The following PDGFC variants were observed in gnomAD, a reference collection of about 807,000 sequenced individuals.
PDGFC encodes platelet-derived growth factor C.
Under a neutral mutation model 35.5 loss-of-function variants are expected in PDGFC, and 12 were observed. The ratio of observed to expected loss-of-function variants is 0.34; its 90% confidence interval spans 0.22 to 0.55. PDGFC has a LOEUF of 0.55. Among genes scored for constraint, PDGFC ranks in the 20% least tolerant of loss-of-function variants. The probability of loss-of-function intolerance (pLI) is 0.91; values close to 1 mark genes in which losing one functional copy is unlikely to be tolerated. For missense variants in PDGFC, 322 were observed against 412.4 expected, an observed-to-expected ratio of 0.78 and a Z score of 1.90; for synonymous variants, 159 against 148.8, an observed-to-expected ratio of 1.07 and a Z score of -0.50.
intron 1 of PDGFC, among the ~76,000 whole-genome samples, chr4:156,866,718 TA>T (rs1156349970): frequency 1.3e-5 from 2 of 152,132 alleles, no homozygotes; most frequent in Non-Finnish European, 2.9e-5. Flanking sequence ...AAAGAAAGTT[TA>T]AAAAAATAAC....
At chr4:156,807,074 G>A (rs1731790117) in intron 3 of PDGFC, among the ~76,000 whole-genome samples, 1 of 151,044 alleles carries the variant, frequency 6.6e-6, no homozygotes. Context: ...TAACTCCTTA[G>A]GCACAATCAT....
intron 2 of PDGFC, chr4:156,835,885 G>C (rs370775542): frequency 1.3e-5 from 2 of 152,078 alleles, no homozygotes; most frequent in African/African-American, 4.8e-5. Flanking sequence ...CCAATACTTT[G>C]TGTACTGAAA....
intron 2 of PDGFC, among the ~76,000 whole-genome samples, chr4:156,838,219 T>C (rs1355061261): frequency 6.6e-6 from 1 of 152,226 alleles, no homozygotes; most frequent in Non-Finnish European, 1.5e-5. Flanking sequence ...GTTATTTTTG[T>C]ACCACCAGCA....
At chr4:156,771,766 G>A (rs971258488) in intron 4 of PDGFC, among the ~76,000 whole-genome samples, 2 of 152,078 alleles carry the variant, frequency 1.3e-5, no homozygotes, top group South Asian at 2.1e-4. Flanking sequence ...CAAATTAACC[G>A]AACATTATTC....
At chr4:156,942,205 T>C (rs778222696) in intron 1 of PDGFC, among the ~76,000 whole-genome samples, 1 of 152,066 alleles carries the variant, frequency 6.6e-6, no homozygotes, top group Non-Finnish European at 1.5e-5. Context: ...ATACATGCCA[T>C]TCCTTTGTGC....
chr4:156,938,058 G>C (rs1192826427), intron 1 of PDGFC, among the ~76,000 whole-genome samples: 1 of 151,970 alleles, frequency 6.6e-6, no homozygotes, highest in Non-Finnish European at 1.5e-5. Context: ...TGCCAAATGA[G>C]GTGAAACAGT....
intron 3 of PDGFC, among the ~76,000 whole-genome samples, chr4:156,774,674 C>A (rs12645013): frequency 0.21 from 22,834 of 109,222 alleles, 1,814 homozygotes; most frequent in South Asian, 0.44. Flanking sequence ...TTTTTTTTAA[C>A]AAAAGTTTAT....
In PDGFC at chr4:156,915,704, A is replaced by T. The variant is rs2197231; in HGVS notation, c.118+55082T>A. Among the ~76,000 whole-genome samples the T allele has an allele frequency of 3.2e-4, 49 of 152,156 alleles. No homozygotes were observed. In the East Asian group the frequency reaches 8.7e-3, roughly 27 times the overall value. ...GCTACTCAGGAAGTTGAGGCAGAAG[A>T]ATCCCGGCAGAGGTTGCAGTGAGTG... On this transcript the variant is annotated intron_variant, in intron 1 of 5. Coordinates refer to ENST00000502773, the MANE Select transcript of PDGFC (RefSeq NM_016205.3).
chr4:156,768,025 T>C, intron 4 of PDGFC, 35 bp from the exon 5 acceptor site: 5 of 1,247,248 alleles, frequency 4.0e-6, no homozygotes, highest in East Asian at 2.3e-5. Flanking sequence ...GAAAAATAGA[T>C]GTTGATGCTT....
At chr4:156,881,244 G>GC (rs1292507797) in intron 1 of PDGFC, among the ~76,000 whole-genome samples, 2 of 152,040 alleles carry the variant, frequency 1.3e-5, no homozygotes, top group African/African-American at 2.4e-5. Flanking sequence ...CTTGCTAAAG[G>GC]CTTAGATGAT....
intron 1 of PDGFC, among the ~76,000 whole-genome samples, chr4:156,945,687 A>C (rs1460518483): frequency 5.3e-5 from 8 of 151,922 alleles, no homozygotes; most frequent in African/African-American, 1.9e-4. Context: ...GCAATTACTC[A>C]TTTGGTCAGG....
intron 2 of PDGFC, among the ~76,000 whole-genome samples, chr4:156,822,676 A>T: frequency 6.6e-6 from 1 of 152,216 alleles, no homozygotes; most frequent in East Asian, 1.9e-4. Flanking sequence ...GAGATTATGT[A>T]ACAAGGGAAA....
chr4:156,914,892 C>A (rs1281161780), intron 1 of PDGFC, among the ~76,000 whole-genome samples: 1 of 127,452 alleles, frequency 7.8e-6, no homozygotes, highest in Non-Finnish European at 1.7e-5. Flanking sequence ...CTTTACAATA[C>A]CCAGGATTGG....
At chr4:156,900,736 G>T (rs1730747923) in intron 1 of PDGFC, among the ~76,000 whole-genome samples, 1 of 152,134 alleles carries the variant, frequency 6.6e-6, no homozygotes, top group Admixed American at 6.5e-5. Context: ...TCAGAAGGCT[G>T]AGGTGGGAGG....
intron 2 of PDGFC, among the ~76,000 whole-genome samples, chr4:156,822,903 G>A (rs558627004): frequency 3.3e-5 from 5 of 152,154 alleles, no homozygotes; most frequent in African/African-American, 1.2e-4. Flanking sequence ...CCGAGTAGCT[G>A]GGATTACAGG....
At chr4:156,869,822 AC>A (rs1392951477) in intron 1 of PDGFC, among the ~76,000 whole-genome samples, 1 of 152,160 alleles carries the variant, frequency 6.6e-6, no homozygotes, top group Non-Finnish European at 1.5e-5. Flanking sequence ...TTCTGATTTG[AC>A]TTTATTCCTT....
intron 1 of PDGFC, among the ~76,000 whole-genome samples, chr4:156,911,505 ATAGT>A (rs1731038380): frequency 6.6e-6 from 1 of 152,110 alleles, no homozygotes; most frequent in Non-Finnish European, 1.5e-5. Context: ...AACAGTAATA[ATAGT>A]TAAAGGTTGT....
intron 1 of PDGFC, among the ~76,000 whole-genome samples, chr4:156,969,472 G>A (rs528072264): frequency 1.4e-4 from 22 of 152,286 alleles, no homozygotes; most frequent in Non-Finnish European, 8.8e-5. Flanking sequence ...GTCTTGCTGC[G>A]CAACAGCAAA....
intron 3 of PDGFC, among the ~76,000 whole-genome samples, chr4:156,787,740 A>C (rs909722668): frequency 7.9e-5 from 12 of 152,154 alleles, no homozygotes; most frequent in African/African-American, 2.7e-4. Context: ...TAAGGAAGAC[A>C]AACAATGTTC....
Sources: gnomAD v4.1 joint callset for allele counts (sites outside exome capture counted in the v4.1 genomes callset) on GRCh38, gnomAD v4.1.1 for gene constraint, MANE v1.5 for transcripts, NCBI Gene and HGNC (gene_info 2026-07-23, HGNC 2026-07-21) for gene names.